GREB1L: variants seen among roughly 807,000 people sequenced by gnomAD.
The protein encoded by GREB1L is GREB1-like protein.
Under a neutral mutation model 200.8 loss-of-function variants are expected in GREB1L, and 17 were observed. The ratio of observed to expected loss-of-function variants is 0.08; its 90% confidence interval spans 0.06 to 0.13. The LOEUF is 0.13. Among genes scored for constraint, GREB1L ranks in the 10% least tolerant of loss-of-function variants. The pLI is 1.00. For missense variants in GREB1L, 1,657 were observed against 2,367.7 expected (o/e 0.70, Z 6.23); for synonymous variants, 789 against 893.0 (o/e 0.88, Z 2.08).
Position 21,518,126 on chromosome 18 carries a change from C to G in GREB1L, c.5364C>G (p.Leu1788=), listed in dbSNP as rs1230300292. 5 of 1,551,546 alleles carry G rather than the reference C, an allele frequency of 3.2e-6. No individual in the cohort carries two copies. The African/African-American group carries it at 4.1e-5, about 13-fold the overall frequency. The change falls in exon 31 of 33, where the codon CTC becomes CTG. Residue 1788 remains leucine (L), a synonymous_variant. Transcript: ENST00000424526. ...HTLLAAPAQF[L]LEKFLQHASY... is the part of the protein sequence containing the mutation. ...TACTGGCAGCCCCTGCACAGTTTCT[C>G]CTGGAGAAATTCCTTCAGCACGCCT...
At chr18:21,272,671 T>A (rs2038097316) in intron 1 of GREB1L, among the ~76,000 whole-genome samples, 1 of 152,224 alleles carries the variant, frequency 6.6e-6, no homozygotes, top group Non-Finnish European at 1.5e-5. Flanking sequence ...CATTTACTTC[T>A]GTGCTGGGCT....
chr18:21,515,373 T>C, intron 28 of GREB1L, 44 bp from the exon 29 acceptor site: 2 of 1,325,588 alleles, frequency 1.5e-6, no homozygotes, highest in Non-Finnish European at 2.1e-6. Context: ...TGATCCTCTC[T>C]TCTGTAATAT....
In GREB1L at chr18:21,395,458, C is replaced by T. The variant is rs2041015280; in HGVS notation, c.429C>T (p.Phe143=). Residue 143 remains phenylalanine, a synonymous_variant, in exon 5 of 33, where the codon TTC becomes TTT. Coordinates refer to ENST00000424526, the MANE Select transcript of GREB1L (RefSeq NM_001142966.3). The part of the protein sequence containing the change: ...CMEQIDIPAG[F]LLVGAKSPNL... ...AACAAATTGACATCCCAGCAGGATTCCTCCTGGTGGGGGCCAAGTCTCCCA... is the reference window on the plus strand; with the variant it reads ...AACAAATTGACATCCCAGCAGGATTTCTCCTGGTGGGGGCCAAGTCTCCCA... 5.8e-6 allele frequency: 9 copies of T among 1,549,544 alleles called. No homozygotes were observed. In the South Asian group the frequency reaches 9.5e-5, roughly 16 times the overall value.
At chr18:21,493,056 G>A (rs913587316) in intron 19 of GREB1L, among the ~76,000 whole-genome samples, 1 of 152,202 alleles carries the variant, frequency 6.6e-6, no homozygotes, top group African/African-American at 2.4e-5. Context: ...ATGAGATCAT[G>A]TTGGGATGTT....
chr18:21,396,841 TAA>T (rs2041086805), intron 5 of GREB1L, among the ~76,000 whole-genome samples: 1 of 152,206 alleles, frequency 6.6e-6, no homozygotes, highest in South Asian at 2.1e-4. Flanking sequence ...ATTAAAAAGA[TAA>T]GAGAGCACAT....
At chr18:21,433,531 G>A (rs2033314957) in intron 7 of GREB1L, among the ~76,000 whole-genome samples, 1 of 152,110 alleles carries the variant, frequency 6.6e-6, no homozygotes, top group Non-Finnish European at 1.5e-5. Flanking sequence ...GAAAAACTGG[G>A]GTCATCTTCA....
At chr18:21,346,647 A>G (rs1056562879) in intron 1 of GREB1L, among the ~76,000 whole-genome samples, 1 of 152,056 alleles carries the variant, frequency 6.6e-6, no homozygotes, top group Non-Finnish European at 1.5e-5. Context: ...AATTAGGTTT[A>G]CATTTGTCTG....
At chr18:21,291,899 C>G (rs1219535171) in intron 1 of GREB1L, among the ~76,000 whole-genome samples, 1 of 152,200 alleles carries the variant, frequency 6.6e-6, no homozygotes, top group East Asian at 1.9e-4. Flanking sequence ...TAAAGAATTA[C>G]TGGTCTACAT....
chr18:21,418,376 T>C (rs2031844945), intron 7 of GREB1L, among the ~76,000 whole-genome samples: 1 of 152,188 alleles, frequency 6.6e-6, no homozygotes, highest in Non-Finnish European at 1.5e-5. Flanking sequence ...CATCCTCCCA[T>C]ATACTTTAAA....
At chr18:21,254,290 G>A (rs1452413407) in intron 1 of GREB1L, among the ~76,000 whole-genome samples, 1 of 151,750 alleles carries the variant, frequency 6.6e-6, no homozygotes, top group Admixed American at 6.6e-5. Flanking sequence ...GGCTGGTCTC[G>A]AACTCCTTTC....
chr18:21,404,121 C>T, intron 7 of GREB1L, 127 bp downstream of exon 7: 1 of 841,690 alleles, frequency 1.2e-6, no homozygotes, highest in Non-Finnish European at 1.8e-6. Flanking sequence ...ACTTGAGTTA[C>T]TATTAGAGTT....
At chr18:21,427,359 G>A (rs1161808254) in intron 7 of GREB1L, among the ~76,000 whole-genome samples, 1 of 152,030 alleles carries the variant, frequency 6.6e-6, no homozygotes, top group African/African-American at 2.4e-5. Context: ...CAAAAAATTA[G>A]CCGGGCATGG....
intron 1 of GREB1L, among the ~76,000 whole-genome samples, chr18:21,274,496 C>T (rs1265597720): frequency 2.0e-5 from 3 of 152,128 alleles, no homozygotes; most frequent in African/African-American, 7.2e-5. Flanking sequence ...CTGCAGTCTC[C>T]ACTTCCCAGG....
chr18:21,517,759 G>A (rs920109487), intron 30 of GREB1L, among the ~76,000 whole-genome samples: 1 of 152,104 alleles, frequency 6.6e-6, no homozygotes, highest in Non-Finnish European at 1.5e-5. Flanking sequence ...AAAGGCTTCC[G>A]ATTGGATCTC....
intron 5 of GREB1L, 109 bp downstream of exon 5, chr18:21,395,670 G>T (rs75002427): frequency 2.6e-6 from 2 of 761,374 alleles, no homozygotes; most frequent in East Asian, 2.8e-5. Flanking sequence ...ATTATTTGGG[G>T]ATTATATAGT....
chr18:21,504,615 T>G (rs2145986232), intron 23 of GREB1L, among the ~76,000 whole-genome samples: 1 of 152,240 alleles, frequency 6.6e-6, no homozygotes, highest in East Asian at 1.9e-4. Context: ...GCAGGATGAT[T>G]GCTTGAGCCC....
chr18:21,486,619 C>A (rs866523328), intron 18 of GREB1L, among the ~76,000 whole-genome samples: 1 of 151,922 alleles, frequency 6.6e-6, no homozygotes, highest in Admixed American at 6.6e-5. Flanking sequence ...TAACTGCTGT[C>A]TTTTCTTCCC....
rs113507641 is a variant in GREB1L at position 21,459,297 on chromosome 18, T to C, written c.2182+4734T>C. ...TTCTTTACTTTTTTTTTTTTTTTTTTTTTTTGAGACGGAGTTTCACTCTTG... is the reference window on the plus strand; with the variant it reads ...TTCTTTACTTTTTTTTTTTTTTTTTCTTTTTGAGACGGAGTTTCACTCTTG... On this transcript the variant is annotated intron_variant, in intron 15 of 32. Transcript: ENST00000424526. Among the ~76,000 whole-genome samples, 1,065 of 145,742 alleles carry C rather than the reference T, an allele frequency of 7.3e-3. 6 individuals carry two copies. The highest frequency in any genetic ancestry group is 0.026 in the African/African-American group (1,024 of 39,354).
chr18:21,350,404 A>AT (rs1464971937), intron 1 of GREB1L, among the ~76,000 whole-genome samples: 3 of 151,424 alleles, frequency 2.0e-5, no homozygotes, highest in Non-Finnish European at 4.4e-5. Context: ...CACCCGGCTA[A>AT]TTTTTTGTAT....
Sources: allele counts gnomAD v4.1 joint callset (sites outside exome capture counted in the v4.1 genomes callset), GRCh38; gene constraint gnomAD v4.1.1; transcripts MANE v1.5; gene names NCBI Gene and HGNC (gene_info 2026-07-23, HGNC 2026-07-21).